SLC15A1: variants seen among roughly 807,000 people sequenced by gnomAD.
The protein encoded by SLC15A1 is solute carrier family 15 member 1, also known as Caco-2 oligopeptide transporter.
Under a neutral mutation model 92.9 loss-of-function variants are expected in SLC15A1, and 83 were observed. The observed-to-expected ratio is 0.89, with a 90% confidence interval of 0.75 to 1.07. The LOEUF is 1.07. Among genes scored for constraint, SLC15A1 ranks in the 50% least tolerant of loss-of-function variants. The pLI is 0.00. For synonymous variants in SLC15A1, 322 were observed against 318.2 expected (o/e 1.01, Z -0.13); for missense variants, 857 against 880.1 (o/e 0.97, Z 0.33).
At chr13:98,719,947 G>A (rs1407717815) in intron 7 of SLC15A1, among the ~76,000 whole-genome samples, 1 of 151,666 alleles carries the variant, frequency 6.6e-6, no homozygotes, top group African/African-American at 2.4e-5. Flanking sequence ...GAAATCCCAG[G>A]ATTTATATAT....
intron 21 of SLC15A1, 51 bp downstream of exon 21, chr13:98,687,530 T>G: frequency 4.4e-6 from 7 of 1,582,072 alleles, no homozygotes; most frequent in Non-Finnish European, 6.0e-6. Flanking sequence ...ATCAGCATTT[T>G]CTGCAGGCAG....
chr13:98,736,535 G>T (rs1307848026), intron 1 of SLC15A1, among the ~76,000 whole-genome samples: 1 of 152,096 alleles, frequency 6.6e-6, no homozygotes, highest in Non-Finnish European at 1.5e-5. Flanking sequence ...AAAAGAAACT[G>T]CCATCGGAGT....
chr13:98,717,276 A>G (rs1593995213), intron 8 of SLC15A1, among the ~76,000 whole-genome samples: 1 of 152,198 alleles, frequency 6.6e-6, no homozygotes, highest in African/African-American at 2.4e-5. Context: ...TTCTTGCCCA[A>G]TGTCAACATT....
chr13:98,714,246 C>T (rs900991634), intron 9 of SLC15A1, among the ~76,000 whole-genome samples: 1 of 151,836 alleles, frequency 6.6e-6, no homozygotes, highest in Admixed American at 6.6e-5. Flanking sequence ...TTGGAAAAAG[C>T]TTTTTGGTGG....
At chr13:98,733,176 A>G (rs1006433762) in intron 1 of SLC15A1, among the ~76,000 whole-genome samples, 1 of 152,124 alleles carries the variant, frequency 6.6e-6, no homozygotes, top group Non-Finnish European at 1.5e-5. Flanking sequence ...CGACACCTTG[A>G]TTTTAGCCCG....
At chr13:98,693,745 T>C (rs1346499134) in intron 18 of SLC15A1, among the ~76,000 whole-genome samples, 3 of 152,254 alleles carry the variant, frequency 2.0e-5, no homozygotes, top group African/African-American at 7.2e-5. Flanking sequence ...TTTTTCCTTT[T>C]TTTGTCACTT....
intron 15 of SLC15A1, among the ~76,000 whole-genome samples, chr13:98,706,601 A>G (rs2088114827): frequency 6.6e-6 from 1 of 152,202 alleles, no homozygotes; most frequent in African/African-American, 2.4e-5. Context: ...AAGACTCACA[A>G]GATCAGATGG....
At position 98,696,275 on chromosome 13, in the gene SLC15A1, G is replaced by A. The variant is rs780238258; in HGVS notation, c.1466+6205C>T. On this transcript the variant is annotated intron_variant, in intron 18 of 22. Transcript: ENST00000376503. ...CTAAAAATATGAAAATTAGCTGGGC[G>A]TGGTGGCATGTGCCTGTAATCCCAG... 2.2e-4 allele frequency among the ~76,000 whole-genome samples: 33 copies of A among 151,780 alleles called. 1 individual carries two copies. Among genetic ancestry groups the A allele is most frequent in the African/African-American group, 7.5e-4 (31 of 41,324 alleles).
At position 98,709,640 on chromosome 13, in the gene SLC15A1, G is replaced by T. The variant is rs146215988; in HGVS notation, c.999C>A (p.Ile333=). The change falls in exon 14 of 23, where the codon ATC becomes ATA. Residue 333 remains isoleucine (I), a synonymous_variant. Transcript: ENST00000376503. ...DQMQTVNAIL[I]VIMVPIFDAV... ...CATCGAAGATCGGGACCATGATCAC[G>T]ATCAGGATGGCGTTCACGGTCTGCA... is the stretch of plus-strand genomic sequence containing the variant. 9 of 1,614,156 alleles carry T rather than the reference G, an allele frequency of 5.6e-6. No individual in the cohort carries two copies. The African/African-American group carries it at 1.1e-4, about 19-fold the overall frequency.
chr13:98,708,835 C>G (rs909048377), intron 14 of SLC15A1, 68 bp from the exon 15 acceptor site: 1 of 1,135,484 alleles, frequency 8.8e-7, no homozygotes, highest in Non-Finnish European at 1.2e-6. Flanking sequence ...AACCCCCACC[C>G]CCACCATCCC....
chr13:98,714,667 A>AAG (rs1390541685), intron 9 of SLC15A1, among the ~76,000 whole-genome samples: 5 of 151,474 alleles, frequency 3.3e-5, no homozygotes, highest in African/African-American at 1.2e-4. Context: ...AAAAAAAAAA[A>AAG]AAAAAGAAAT....
intron 15 of SLC15A1, among the ~76,000 whole-genome samples, chr13:98,706,578 T>C (rs1427010248): frequency 1.3e-5 from 2 of 152,158 alleles, no homozygotes; most frequent in African/African-American, 2.4e-5. Context: ...GTACTGTTCT[T>C]GTGGTAGTGA....
At chr13:98,740,493 A>T (rs2088435571) in intron 1 of SLC15A1, among the ~76,000 whole-genome samples, 1 of 151,570 alleles carries the variant, frequency 6.6e-6, no homozygotes, top group African/African-American at 2.4e-5. Context: ...CATCCACATG[A>T]CTCGTTTTCT....
intron 1 of SLC15A1, among the ~76,000 whole-genome samples, chr13:98,730,553 T>G (rs1287187049): frequency 6.6e-6 from 1 of 152,162 alleles, no homozygotes; most frequent in Non-Finnish European, 1.5e-5. Context: ...GCCAGCTGCA[T>G]GGCGGGTGAG....
At chr13:98,720,354 A>G (rs1566452418) in intron 7 of SLC15A1, among the ~76,000 whole-genome samples, 2 of 152,216 alleles carry the variant, frequency 1.3e-5, no homozygotes, top group African/African-American at 2.4e-5. Flanking sequence ...TAATTTAAAC[A>G]TGCACCCTCT....
chr13:98,707,891 TAAAAAAAAA>T lies in SLC15A1; in HGVS notation c.1149+786_1149+794del, dbSNP rs745924829. ...CTAGGCGACAGAGTGAGACCCTGTTTAAAAAAAAAAAAAAAAAAAAAAAAAAAAAAGAAT... is the reference window on the plus strand; with the variant it reads ...CTAGGCGACAGAGTGAGACCCTGTTTAAAAAAAAAAAAAAAAAAAAAGAAT... On this transcript the variant is annotated intron_variant, in intron 15 of 22. Coordinates refer to ENST00000376503, the MANE Select transcript of SLC15A1 (RefSeq NM_005073.4). Among the ~76,000 whole-genome samples the T allele has an allele frequency of 1.7e-4, 18 of 106,846 alleles. 1 individual carries two copies. Among genetic ancestry groups the T allele is most frequent in the East Asian group, 1.1e-3 (2 of 1,892 alleles). The allele number at this position is 106,846 out of a possible 152,430, so 70.1% of individuals were successfully genotyped here. A position where few individuals can be genotyped will look rare whatever the true frequency, so the allele number is the denominator to read the frequency against.
chr13:98,732,195 A>G (rs2088356484), intron 1 of SLC15A1, among the ~76,000 whole-genome samples: 1 of 152,214 alleles, frequency 6.6e-6, no homozygotes, highest in South Asian at 2.1e-4. Context: ...GTTCCCTGCT[A>G]GTAAACCTCA....
intron 18 of SLC15A1, among the ~76,000 whole-genome samples, chr13:98,693,994 C>T (rs1036224436): frequency 2.6e-5 from 4 of 152,218 alleles, no homozygotes; most frequent in South Asian, 2.1e-4. Context: ...GCCTCCCTCA[C>T]CAATTGCTTA....
At chr13:98,702,353 G>A in intron 18 of SLC15A1, 127 bp downstream of exon 18, 2 of 730,950 alleles carry the variant, frequency 2.7e-6, no homozygotes. Flanking sequence ...TATTCAGCCA[G>A]CCTTACATTG....
Sources: allele counts gnomAD v4.1 joint callset (sites outside exome capture counted in the v4.1 genomes callset), GRCh38; gene constraint gnomAD v4.1.1; transcripts MANE v1.5; gene names NCBI Gene and HGNC (gene_info 2026-07-23, HGNC 2026-07-21).